Variants in OR2L13 observed in about 807,000 individuals in gnomAD.
OR2L13 encodes the protein olfactory receptor family 2 subfamily L member 13, also known as olfactory receptor 2L13.
OR2L13 carries 14 observed loss-of-function variants against 15.3 expected under a neutral mutation model. The ratio of observed to expected loss-of-function variants is 0.91; its 90% CI spans 0.60 to 1.43. OR2L13 has a LOEUF of 1.43. Among genes scored for constraint, OR2L13 ranks in the 40% most tolerant of loss-of-function variants. The probability of loss-of-function intolerance (pLI) is 0.00; values close to 1 mark genes in which losing one functional copy is unlikely to be tolerated. For synonymous variants in OR2L13, 152 were observed against 142.9 expected (o/e 1.06, Z -0.45); for missense variants, 367 against 387.9 (o/e 0.95, Z 0.45).
At chr1:248,040,477 C>T in the OR2L13 span, 1 of 152,302 alleles carries the variant, frequency 6.6e-6, no homozygotes, top group Non-Finnish European at 1.5e-5. Flanking sequence ...GCCTCCACCA[C>T]TCCTGAGACA....
chr1:248,029,616 CATGT>C, the OR2L13 span, among the ~76,000 whole-genome samples: 2 of 151,990 alleles, frequency 1.3e-5, no homozygotes, highest in African/African-American at 4.8e-5. Flanking sequence ...AGATAACTCC[CATGT>C]ATGTGATAGC....
At chr1:247,955,913 A>G in the OR2L13 span, among the ~76,000 whole-genome samples, 1 of 151,120 alleles carries the variant, frequency 6.6e-6, no homozygotes. Flanking sequence ...CTCTGATGGT[A>G]GTTTCTTTTG....
upstream of OR2L13, among the ~76,000 whole-genome samples, chr1:248,097,099 A>T (rs771211220): frequency 3.9e-5 from 6 of 152,216 alleles, no homozygotes; most frequent in Non-Finnish European, 7.3e-5. Context: ...AGACTTGCTG[A>T]TAAATAACTT....
At chr1:247,983,202 G>A in the OR2L13 span, among the ~76,000 whole-genome samples, 9 of 152,290 alleles carry the variant, frequency 5.9e-5, no homozygotes, top group Non-Finnish European at 7.4e-5. Flanking sequence ...TGATGTCCAC[G>A]TGAAGAGTTT....
the OR2L13 span, chr1:248,003,454 T>C: frequency 6.2e-7 from 1 of 1,609,662 alleles, no homozygotes; most frequent in Non-Finnish European, 8.5e-7. Context: ...CTTTAGCCGT[T>C]GTAGAAGCGC....
the OR2L13 span, among the ~76,000 whole-genome samples, chr1:248,006,229 A>C: frequency 6.7e-6 from 1 of 149,510 alleles, no homozygotes; most frequent in African/African-American, 2.5e-5. Context: ...TGGTACTGTG[A>C]AATATTGCAA....
At chr1:248,044,513 G>T in the OR2L13 span, among the ~76,000 whole-genome samples, 1 of 128,446 alleles carries the variant, frequency 7.8e-6, no homozygotes, top group African/African-American at 4.7e-5. Context: ...CCTTAAAAAC[G>T]CCTTCCCCGG....
the OR2L13 span, chr1:248,003,397 G>C: frequency 2.5e-6 from 4 of 1,609,960 alleles, no homozygotes; most frequent in South Asian, 4.4e-5. Flanking sequence ...ATGGAAACAA[G>C]TCTATCTCCT....
At chr1:248,005,630 G>C in the OR2L13 span, among the ~76,000 whole-genome samples, 3 of 152,040 alleles carry the variant, frequency 2.0e-5, no homozygotes, top group African/African-American at 4.8e-5. Context: ...CTGTAGTTTG[G>C]TTATTTAAAT....
chr1:248,049,586 G>A, the OR2L13 span, among the ~76,000 whole-genome samples: 4 of 152,142 alleles, frequency 2.6e-5, no homozygotes, highest in African/African-American at 4.8e-5. Context: ...ATAGTTGCCA[G>A]GTGAAGTGAA....
the OR2L13 span, among the ~76,000 whole-genome samples, chr1:247,937,724 C>T: frequency 2.6e-5 from 4 of 152,206 alleles, no homozygotes; most frequent in African/African-American, 9.7e-5. Flanking sequence ...ACCCACTCCC[C>T]TGAGCGCCTC....
the OR2L13 span, among the ~76,000 whole-genome samples, chr1:247,988,529 C>A: frequency 6.6e-6 from 1 of 152,182 alleles, no homozygotes; most frequent in Non-Finnish European, 1.5e-5. Flanking sequence ...GGTATATATA[C>A]ATGTGTATTG....
chr1:248,051,012 A>G, the OR2L13 span, among the ~76,000 whole-genome samples: 2 of 152,218 alleles, frequency 1.3e-5, no homozygotes, highest in Non-Finnish European at 2.9e-5. Flanking sequence ...AAATATACTT[A>G]AGAGGAACAC....
chr1:247,956,783 C>T, the OR2L13 span, among the ~76,000 whole-genome samples: 4 of 152,108 alleles, frequency 2.6e-5, no homozygotes, highest in Non-Finnish European at 4.4e-5. Context: ...GTGATTTTTG[C>T]ACATTGATTT....
chr1:248,038,167 T>C, the OR2L13 span: 3 of 797,544 alleles, frequency 3.8e-6, no homozygotes, highest in South Asian at 5.1e-5. Context: ...GTTTCAGGCA[T>C]CCACTGGGAG....
At chr1:247,948,528 G>A in the OR2L13 span, among the ~76,000 whole-genome samples, 1 of 151,720 alleles carries the variant, frequency 6.6e-6, no homozygotes, top group African/African-American at 2.4e-5. Flanking sequence ...TTTCAAAATA[G>A]GTAAAAATCA....
At chr1:248,048,921 CTCT>C in the OR2L13 span, among the ~76,000 whole-genome samples, 1 of 141,958 alleles carries the variant, frequency 7.0e-6, no homozygotes, top group African/African-American at 2.8e-5. Context: ...TTTTCTCTCT[CTCT>C]TTTTTTTTTT....
the OR2L13 span, among the ~76,000 whole-genome samples, chr1:248,031,663 G>A: frequency 6.6e-6 from 1 of 152,138 alleles, no homozygotes; most frequent in East Asian, 1.9e-4. Flanking sequence ...TTTTTGGGGT[G>A]CCTGATTTTC....
chr1:248,035,850 A>G, the OR2L13 span, among the ~76,000 whole-genome samples: 1 of 152,134 alleles, frequency 6.6e-6, no homozygotes, highest in Non-Finnish European at 1.5e-5. Context: ...TTATATCTGC[A>G]GTAAGGGGTT....
Sources: gnomAD v4.1 joint callset for allele counts (sites outside exome capture counted in the v4.1 genomes callset) on GRCh38, gnomAD v4.1.1 for gene constraint, MANE v1.5 for transcripts, NCBI Gene and HGNC (gene_info 2026-07-23, HGNC 2026-07-21) for gene names.